Variants in ASPRV1 observed in about 807,000 individuals in gnomAD.
The protein encoded by ASPRV1 is retroviral-like aspartic protease 1.
A neutral mutation model predicts 11.0 loss-of-function variants in ASPRV1; 7 were observed. The observed-to-expected ratio is 0.64, with a 90% CI of 0.36 to 1.20. The LOEUF (loss-of-function observed/expected upper bound fraction) is 1.20, where lower values mean the gene tolerates loss of function less well. Ranked by LOEUF, ASPRV1 falls within the 50% of genes most tolerant of loss-of-function variation. The probability of loss-of-function intolerance (pLI) is 0.02; values close to 1 mark genes in which losing one functional copy is unlikely to be tolerated. For synonymous variants in ASPRV1, 136 were observed against 138.4 expected (o/e 0.98, Z 0.12); for missense variants, 299 against 320.0 (o/e 0.93, Z 0.50).
the ASPRV1 span, among the ~76,000 whole-genome samples, chr2:69,953,744 G>A: frequency 9.3e-5 from 14 of 151,230 alleles, no homozygotes; most frequent in African/African-American, 3.2e-4. Flanking sequence ...GTCTCACTCT[G>A]TTGCCCAGCC....
the ASPRV1 span, among the ~76,000 whole-genome samples, chr2:69,948,451 G>A: frequency 6.6e-6 from 1 of 152,158 alleles, no homozygotes; most frequent in African/African-American, 2.4e-5. Context: ...CTACATCTAG[G>A]GATGACCCCG....
At chr2:70,013,482 G>A in the ASPRV1 span, among the ~76,000 whole-genome samples, 5 of 152,194 alleles carry the variant, frequency 3.3e-5, no homozygotes, top group East Asian at 1.9e-4. Flanking sequence ...AAACAGATAC[G>A]AGAATCCAAC....
the ASPRV1 span, among the ~76,000 whole-genome samples, chr2:70,071,916 C>A: frequency 6.6e-6 from 1 of 151,560 alleles, no homozygotes; most frequent in African/African-American, 2.4e-5. Flanking sequence ...CCAACCCAGG[C>A]AACATAGCGA....
the ASPRV1 span, among the ~76,000 whole-genome samples, chr2:69,953,394 C>G: frequency 6.6e-6 from 1 of 152,230 alleles, no homozygotes; most frequent in African/African-American, 2.4e-5. Context: ...GGGTGCCTGG[C>G]GTCCCTAGAG....
chr2:70,017,072 G>A, the ASPRV1 span, among the ~76,000 whole-genome samples: 2 of 152,018 alleles, frequency 1.3e-5, no homozygotes. Context: ...ATCACTGCAA[G>A]CTCCGCCTCC....
chr2:70,058,731 T>G, the ASPRV1 span, among the ~76,000 whole-genome samples: 7 of 150,730 alleles, frequency 4.6e-5, no homozygotes, highest in Non-Finnish European at 8.9e-5. Flanking sequence ...TTTTGTATTT[T>G]TAGTAGAGAC....
chr2:69,973,291 T>C, the ASPRV1 span, among the ~76,000 whole-genome samples: 1 of 152,222 alleles, frequency 6.6e-6, no homozygotes. Flanking sequence ...TAAATGAATG[T>C]AGTTCCAACA....
chr2:69,965,576 G>A (rs1678313310), upstream of ASPRV1, among the ~76,000 whole-genome samples: 1 of 152,206 alleles, frequency 6.6e-6, no homozygotes, highest in Non-Finnish European at 1.5e-5. Flanking sequence ...CCTGCGGCCT[G>A]ACGACTTCCC....
the ASPRV1 span, among the ~76,000 whole-genome samples, chr2:70,038,811 G>A: frequency 1.4e-4 from 22 of 152,194 alleles, no homozygotes; most frequent in African/African-American, 5.3e-4. Context: ...GGGTGGGGTG[G>A]CTTACGCCTG....
chr2:69,998,099 A>T, the ASPRV1 span: 1 of 151,496 alleles, frequency 6.6e-6, no homozygotes, highest in African/African-American at 2.4e-5. Context: ...CGAAATTCAT[A>T]TGTGGCTCCC....
the ASPRV1 span, among the ~76,000 whole-genome samples, chr2:70,063,434 T>C: frequency 6.6e-6 from 1 of 152,224 alleles, no homozygotes; most frequent in Non-Finnish European, 1.5e-5. Flanking sequence ...CACAGATTCA[T>C]GTTGAACAGA....
At chr2:70,011,353 G>A in the ASPRV1 span, among the ~76,000 whole-genome samples, 1 of 152,172 alleles carries the variant, frequency 6.6e-6, no homozygotes, top group South Asian at 2.1e-4. Flanking sequence ...CAGGGGGCAG[G>A]GGGCCAGGGA....
At chr2:70,029,546 G>C in the ASPRV1 span, among the ~76,000 whole-genome samples, 2 of 152,150 alleles carry the variant, frequency 1.3e-5, no homozygotes, top group Admixed American at 1.3e-4. Flanking sequence ...GGCTAAGGCA[G>C]GGGAATCACT....
At chr2:70,055,980 T>G in the ASPRV1 span, 2 of 152,266 alleles carry the variant, frequency 1.3e-5, no homozygotes, top group East Asian at 3.9e-4. Context: ...TAAACTATGA[T>G]GCATACATAA....
chr2:69,978,515 G>C, the ASPRV1 span, among the ~76,000 whole-genome samples: 1 of 152,220 alleles, frequency 6.6e-6, no homozygotes, highest in Non-Finnish European at 1.5e-5. Flanking sequence ...GATTAAAGGA[G>C]ATAACGCATA....
the ASPRV1 span, chr2:69,995,357 C>G: frequency 6.6e-6 from 1 of 151,396 alleles, no homozygotes; most frequent in African/African-American, 2.4e-5. Context: ...CCACTGCACT[C>G]CAGCCTGGGT....
chr2:70,068,782 A>T, the ASPRV1 span, among the ~76,000 whole-genome samples: 3 of 150,286 alleles, frequency 2.0e-5, no homozygotes, highest in Non-Finnish European at 4.4e-5. Flanking sequence ...AAAAAAAAAA[A>T]AAAAATAACA....
the ASPRV1 span, among the ~76,000 whole-genome samples, chr2:70,084,179 A>G: frequency 6.6e-6 from 1 of 152,252 alleles, no homozygotes; most frequent in African/African-American, 2.4e-5. Context: ...GAAATATTTC[A>G]GTAGGTAGTC....
At chr2:69,982,846 T>C in the ASPRV1 span, among the ~76,000 whole-genome samples, 1 of 152,212 alleles carries the variant, frequency 6.6e-6, no homozygotes, top group African/African-American at 2.4e-5. Flanking sequence ...GTCAGAACCC[T>C]GGAGCAGAAA....
Sources: allele counts gnomAD v4.1 joint callset (sites outside exome capture counted in the v4.1 genomes callset), GRCh38; gene constraint gnomAD v4.1.1; transcripts MANE v1.5; gene names NCBI Gene and HGNC (gene_info 2026-07-23, HGNC 2026-07-21).